Variants in MAGI2 observed in about 807,000 individuals in gnomAD.
MAGI2 encodes the protein membrane associated guanylate kinase, WW and PDZ domain containing 2.
A neutral mutation model predicts 133.3 loss-of-function variants in MAGI2; 35 were observed. The observed-to-expected ratio is 0.26, with a 90% CI of 0.20 to 0.35. MAGI2 has a LOEUF of 0.35. MAGI2 is among the 10% of genes least tolerant of loss of function. The probability of loss-of-function intolerance (pLI) is 1.00; values close to 1 mark genes in which losing one functional copy is unlikely to be tolerated. For synonymous variants in MAGI2, 729 were observed against 710.6 expected (o/e 1.03, Z -0.41); for missense variants, 1,636 against 1,863.4 (o/e 0.88, Z 2.25).
chr7:79,282,323 A>G (rs961252465), intron 1 of MAGI2, among the ~76,000 whole-genome samples: 1 of 152,182 alleles, frequency 6.6e-6, no homozygotes, highest in African/African-American at 2.4e-5. Context: ...TATAGCCTCC[A>G]GATGAGAATT....
chr7:79,043,188 C>G (rs1811832889), intron 1 of MAGI2, among the ~76,000 whole-genome samples: 1 of 151,660 alleles, frequency 6.6e-6, no homozygotes, highest in African/African-American at 2.4e-5. Flanking sequence ...ACAACAAGAG[C>G]AAGCCAACCC....
chr7:79,191,327 T>C (rs529518927), intron 1 of MAGI2, among the ~76,000 whole-genome samples: 8 of 150,832 alleles, frequency 5.3e-5, no homozygotes, highest in Non-Finnish European at 1.0e-4. Flanking sequence ...TCTCAAATCA[T>C]GCAAGCTTTG....
chr7:79,242,032 C>T (rs954954725), intron 1 of MAGI2, among the ~76,000 whole-genome samples: 5 of 152,220 alleles, frequency 3.3e-5, no homozygotes, highest in African/African-American at 9.6e-5. Context: ...TAAACTCCAT[C>T]TACCACTTGG....
At chr7:78,990,481 T>C (rs1422664312) in intron 2 of MAGI2, among the ~76,000 whole-genome samples, 1 of 152,038 alleles carries the variant, frequency 6.6e-6, no homozygotes, top group Non-Finnish European at 1.5e-5. Flanking sequence ...GAGGATTTGC[T>C]CAAAAGGTCT....
At chr7:78,375,430 G>T (rs1280387829) in intron 6 of MAGI2, among the ~76,000 whole-genome samples, 2 of 152,028 alleles carry the variant, frequency 1.3e-5, no homozygotes, top group African/African-American at 4.8e-5. Context: ...GTCTATTCTG[G>T]TGGGAAGACC....
intron 2 of MAGI2, among the ~76,000 whole-genome samples, chr7:78,805,269 A>G (rs2151393441): frequency 6.6e-6 from 1 of 151,246 alleles, no homozygotes; most frequent in East Asian, 1.9e-4. Flanking sequence ...AAAAAAAAAA[A>G]ACCCACAAAA....
chr7:78,847,407 T>C (rs1391718330), intron 2 of MAGI2, among the ~76,000 whole-genome samples: 1 of 151,956 alleles, frequency 6.6e-6, no homozygotes, highest in Non-Finnish European at 1.5e-5. Flanking sequence ...GAAGAGACTA[T>C]TAGATAATAA....
intron 5 of MAGI2, among the ~76,000 whole-genome samples, chr7:78,498,159 C>T (rs911458000): frequency 6.6e-6 from 1 of 152,080 alleles, no homozygotes; most frequent in Non-Finnish European, 1.5e-5. Context: ...ACACAAAAAA[C>T]GACTAGTATG....
intron 5 of MAGI2, among the ~76,000 whole-genome samples, chr7:78,499,663 T>C (rs1422223787): frequency 3.3e-5 from 5 of 152,204 alleles, no homozygotes; most frequent in African/African-American, 7.2e-5. Context: ...AAGGTTTTTA[T>C]TATTGCATTA....
At chr7:79,256,868 T>C (rs1488088614) in intron 1 of MAGI2, among the ~76,000 whole-genome samples, 2 of 152,248 alleles carry the variant, frequency 1.3e-5, no homozygotes, top group South Asian at 2.1e-4. Context: ...ATATACTAAA[T>C]ACACTCATAT....
intron 16 of MAGI2, among the ~76,000 whole-genome samples, chr7:78,156,079 A>G (rs1350791037): frequency 1.3e-5 from 2 of 152,208 alleles, no homozygotes; most frequent in Admixed American, 6.5e-5. Flanking sequence ...TCTAAAAGAC[A>G]TCCCCTTGAG....
intron 2 of MAGI2, among the ~76,000 whole-genome samples, chr7:78,678,096 C>G: frequency 6.6e-6 from 1 of 152,062 alleles, no homozygotes; most frequent in South Asian, 2.1e-4. Flanking sequence ...AGAGAGAATG[C>G]TTTTTATTGG....
intron 20 of MAGI2, among the ~76,000 whole-genome samples, chr7:78,099,041 T>C (rs1817967761): frequency 6.6e-6 from 1 of 152,164 alleles, no homozygotes; most frequent in Admixed American, 6.5e-5. Context: ...TCCAAAGTCT[T>C]TGGTTACATA....
intron 9 of MAGI2, among the ~76,000 whole-genome samples, chr7:78,298,780 C>T (rs911913270): frequency 2.0e-5 from 3 of 147,652 alleles, no homozygotes; most frequent in Non-Finnish European, 4.5e-5. Flanking sequence ...GTTGGGATTA[C>T]AGGCATGAGC....
intron 10 of MAGI2, among the ~76,000 whole-genome samples, chr7:78,241,014 T>C (rs1215529817): frequency 2.0e-5 from 3 of 152,086 alleles, no homozygotes; most frequent in South Asian, 2.1e-4. Context: ...ATCCCTAGTA[T>C]GTATTACTGT....
intron 2 of MAGI2, among the ~76,000 whole-genome samples, chr7:78,708,096 T>A (rs1818828023): frequency 6.6e-6 from 1 of 152,102 alleles, no homozygotes; most frequent in Non-Finnish European, 1.5e-5. Flanking sequence ...ACAGATTCCA[T>A]GAAGATTTTC....
chr7:79,011,866 ATCCTTCCTTCCTTCCTTTCTTCCTTCCT>A (rs1186822839), intron 1 of MAGI2, among the ~76,000 whole-genome samples: 4 of 125,540 alleles, frequency 3.2e-5, no homozygotes, highest in African/African-American at 1.1e-4. Context: ...TTGGTAGAAG[ATCCTTCCTTCCTTCCTTTCTTCCTTCCT>A]TCCTTCCTTC....
At chr7:78,041,513 A>C (rs1396026419) in intron 21 of MAGI2, among the ~76,000 whole-genome samples, 1 of 152,050 alleles carries the variant, frequency 6.6e-6, no homozygotes, top group Non-Finnish European at 1.5e-5. Flanking sequence ...CTGACTCTAC[A>C]AAAGTACAAA....
intron 1 of MAGI2, among the ~76,000 whole-genome samples, chr7:79,094,556 G>T (rs542906322): frequency 5.5e-4 from 84 of 152,218 alleles, no homozygotes; most frequent in African/African-American, 1.9e-3. Context: ...AATTTACTTT[G>T]CCCAGGTCCA....
Sources: allele counts gnomAD v4.1 joint callset (sites outside exome capture counted in the v4.1 genomes callset), GRCh38; gene constraint gnomAD v4.1.1; transcripts MANE v1.5; gene names NCBI Gene and HGNC (gene_info 2026-07-23, HGNC 2026-07-21).